The following BLTP1 variants were observed in gnomAD, a reference collection of about 807,000 sequenced individuals.
The protein encoded by BLTP1 is bridge-like lipid transfer protein family member 1, also known as fragile site-associated protein.
the BLTP1 span, among the ~76,000 whole-genome samples, chr4:122,220,779 A>G: frequency 6.6e-6 from 1 of 152,162 alleles, no homozygotes; most frequent in African/African-American, 2.4e-5. Flanking sequence ...ACTATATAAA[A>G]TGTTGGTAGG....
At chr4:122,195,255 G>A in the BLTP1 span, among the ~76,000 whole-genome samples, 1 of 152,142 alleles carries the variant, frequency 6.6e-6, no homozygotes, top group Non-Finnish European at 1.5e-5. Flanking sequence ...AGATTTTGGT[G>A]TCAGTTCTAC....
the BLTP1 span, among the ~76,000 whole-genome samples, chr4:122,263,894 A>G: frequency 1.3e-5 from 2 of 152,222 alleles, no homozygotes; most frequent in African/African-American, 2.4e-5. Flanking sequence ...TGTAATTACA[A>G]CATCATATAC....
the BLTP1 span, among the ~76,000 whole-genome samples, chr4:122,339,893 CA>C: frequency 2.0e-5 from 3 of 152,122 alleles, no homozygotes; most frequent in African/African-American, 7.2e-5. Context: ...TTATACAACT[CA>C]AATATGTGTT....
chr4:122,287,504 G>A, the BLTP1 span: 3 of 871,754 alleles, frequency 3.4e-6, no homozygotes, highest in Non-Finnish European at 4.1e-6. Flanking sequence ...CAGGAGCCAC[G>A]CCTTAGTGGT....
the BLTP1 span, chr4:122,238,359 T>A: frequency 6.2e-7 from 1 of 1,610,370 alleles, no homozygotes; most frequent in Non-Finnish European, 8.5e-7. Context: ...AGGTCAGTAT[T>A]CACTTAGATT....
chr4:122,209,123 A>C, the BLTP1 span: 3 of 1,560,500 alleles, frequency 1.9e-6, no homozygotes, highest in Non-Finnish European at 2.6e-6. Context: ...TTATGCACTA[A>C]TTTTATTACT....
chr4:122,192,430 T>A, the BLTP1 span: 1 of 1,155,146 alleles, frequency 8.7e-7, no homozygotes, highest in South Asian at 1.8e-5. Flanking sequence ...TATTTAGATG[T>A]ATATAATTTT....
chr4:122,317,979 G>A, the BLTP1 span: 3 of 219,098 alleles, frequency 1.4e-5, no homozygotes, highest in African/African-American at 7.0e-5. Context: ...GATGTTTTTT[G>A]TTTTCTTAAC....
chr4:122,281,704 T>C, the BLTP1 span: 1 of 1,611,230 alleles, frequency 6.2e-7, no homozygotes, highest in Non-Finnish European at 8.5e-7. Context: ...GTATAGCCAT[T>C]GGAGCAGCAC....
the BLTP1 span, chr4:122,207,514 C>CTTTTTTTTTTT: frequency 1.4e-3 from 1,772 of 1,286,594 alleles, 2 homozygotes; most frequent in South Asian, 6.3e-3. Flanking sequence ...ACTTTTTCTT[C>CTTTTTTTTTTT]TTTTTTTTTT....
chr4:122,243,640 T>C, the BLTP1 span, among the ~76,000 whole-genome samples: 1 of 152,030 alleles, frequency 6.6e-6, no homozygotes, highest in Non-Finnish European at 1.5e-5. Flanking sequence ...TCCCAGCTAC[T>C]TGGGAGGAGG....
the BLTP1 span, chr4:122,219,561 T>A: frequency 6.2e-7 from 1 of 1,612,772 alleles, no homozygotes; most frequent in Non-Finnish European, 8.5e-7. Context: ...ATGGGCGTCT[T>A]CCTGTTGTAA....
At chr4:122,350,711 T>C in the BLTP1 span, among the ~76,000 whole-genome samples, 1 of 152,154 alleles carries the variant, frequency 6.6e-6, no homozygotes, top group African/African-American at 2.4e-5. Flanking sequence ...TGAAGTGACA[T>C]TTTAGTGGAA....
chr4:122,162,726 C>T, the BLTP1 span: 1 of 817,720 alleles, frequency 1.2e-6, no homozygotes, highest in Non-Finnish European at 1.4e-6. Flanking sequence ...GGGGTTATAA[C>T]AACAACAACA....
chr4:122,199,877 C>G, the BLTP1 span: 1 of 966,038 alleles, frequency 1.0e-6, no homozygotes, highest in South Asian at 4.8e-5. Flanking sequence ...TGAAGAAAAT[C>G]TTGTTGATAC....
the BLTP1 span, among the ~76,000 whole-genome samples, chr4:122,216,728 C>T: frequency 6.6e-6 from 1 of 152,094 alleles, no homozygotes; most frequent in East Asian, 1.9e-4. Context: ...GTTTATTCTG[C>T]TGATTATTTC....
At chr4:122,309,126 G>T in the BLTP1 span, 3 of 1,173,496 alleles carry the variant, frequency 2.6e-6, no homozygotes, top group Non-Finnish European at 3.4e-6. Context: ...TTTTTAAAAG[G>T]CATCTTTCTA....
the BLTP1 span, among the ~76,000 whole-genome samples, chr4:122,176,515 A>T: frequency 6.6e-6 from 1 of 152,204 alleles, no homozygotes; most frequent in African/African-American, 2.4e-5. Context: ...CAACAAATTA[A>T]AAGTACACTA....
the BLTP1 span, chr4:122,210,095 C>G: frequency 1.2e-6 from 1 of 867,302 alleles, no homozygotes; most frequent in Non-Finnish European, 1.4e-6. Flanking sequence ...TACTTTGTGT[C>G]AAATGTTGGG....
Sources: allele counts gnomAD v4.1 joint callset (sites outside exome capture counted in the v4.1 genomes callset), GRCh38; gene constraint gnomAD v4.1.1; transcripts MANE v1.5; gene names NCBI Gene and HGNC (gene_info 2026-07-23, HGNC 2026-07-21).